Variants in SVEP1 observed in about 807,000 individuals in gnomAD.
SVEP1 encodes the protein sushi, von Willebrand factor type A, EGF and pentraxin domain-containing protein 1.
Under a neutral mutation model 367.3 loss-of-function variants are expected in SVEP1, and 164 were observed. That is an observed-to-expected ratio of 0.45 (90% CI 0.39 to 0.51). SVEP1 has a LOEUF of 0.51. Ranked by LOEUF, SVEP1 falls within the 20% of genes least tolerant of loss-of-function variation. The pLI, the probability that SVEP1 is intolerant of heterozygous loss-of-function variation, is 0.00. For synonymous variants in SVEP1, 1,666 were observed against 1,611.6 expected, an observed-to-expected ratio of 1.03 and a Z score of -0.81; for missense variants, 4,117 against 4,425.3, an observed-to-expected ratio of 0.93 and a Z score of 1.98.
intron 8 of SVEP1, among the ~76,000 whole-genome samples, chr9:110,494,157 A>C (rs1382995799): frequency 6.6e-6 from 1 of 152,224 alleles, no homozygotes. Flanking sequence ...TTGCTATGTA[A>C]GGAAACATAT....
intron 1 of SVEP1, 29 bp from the exon 2 acceptor site, chr9:110,550,133 AGT>A: frequency 6.2e-7 from 1 of 1,612,206 alleles, no homozygotes; most frequent in Non-Finnish European, 8.5e-7. Flanking sequence ...AGTTAATATG[AGT>A]GTGTACTGTC....
At chr9:110,492,485 G>C (rs1313627573) in intron 8 of SVEP1, among the ~76,000 whole-genome samples, 2 of 151,908 alleles carry the variant, frequency 1.3e-5, no homozygotes, top group African/African-American at 4.8e-5. Flanking sequence ...AAAGGCTTAT[G>C]CATGTTTTTA....
intron 2 of SVEP1, among the ~76,000 whole-genome samples, chr9:110,548,789 G>C (rs1216671178): frequency 2.6e-5 from 4 of 152,038 alleles, no homozygotes; most frequent in African/African-American, 9.7e-5. Context: ...TAAAATCCCA[G>C]CCTCCAAAAA....
At chr9:110,405,503 G>T (rs1185195859) in intron 38 of SVEP1, among the ~76,000 whole-genome samples, 1 of 151,158 alleles carries the variant, frequency 6.6e-6, no homozygotes, top group Admixed American at 6.6e-5. Flanking sequence ...TACCTACGTG[G>T]ACTCAGATAC....
intron 1 of SVEP1, among the ~76,000 whole-genome samples, chr9:110,559,923 T>C (rs1024026531): frequency 3.9e-5 from 6 of 152,120 alleles, no homozygotes; most frequent in African/African-American, 1.4e-4. Context: ...CCAAACACAA[T>C]GATTTCATTA....
At chr9:110,508,760 C>CAAAAAAAAAAAAA (rs11316319) in intron 5 of SVEP1, among the ~76,000 whole-genome samples, 49 of 76,476 alleles carry the variant, frequency 6.4e-4, no homozygotes, top group East Asian at 8.0e-4. Context: ...GACTCCATCT[C>CAAAAAAAAAAAAA]AAAAAAAAAA....
intron 1 of SVEP1, among the ~76,000 whole-genome samples, chr9:110,551,199 T>A (rs1264263075): frequency 6.6e-6 from 1 of 152,222 alleles, no homozygotes; most frequent in Non-Finnish European, 1.5e-5. Flanking sequence ...TTGTGATTTT[T>A]AAAATGTTTG....
At chr9:110,375,228 G>T in intron 46 of SVEP1, 140 bp downstream of exon 46, 1 of 721,778 alleles carries the variant, frequency 1.4e-6, no homozygotes, top group Non-Finnish European at 2.3e-6. Flanking sequence ...CGAATCAAGG[G>T]ATCATCTTGA....
chr9:110,495,201 A>G (rs1829427212), intron 8 of SVEP1, among the ~76,000 whole-genome samples: 2 of 152,090 alleles, frequency 1.3e-5, no homozygotes, highest in Non-Finnish European at 1.5e-5. Context: ...TTTTAAGCAC[A>G]TTCAAGTTCT....
At chr9:110,381,847 C>G (rs917133846) in intron 43 of SVEP1, among the ~76,000 whole-genome samples, 1 of 150,708 alleles carries the variant, frequency 6.6e-6, no homozygotes, top group Non-Finnish European at 1.5e-5. Context: ...TCTCTAAGAA[C>G]TTGATTTATG....
intron 26 of SVEP1, 78 bp downstream of exon 26, chr9:110,445,757 CAT>C: frequency 6.6e-7 from 1 of 1,507,346 alleles, no homozygotes; most frequent in Non-Finnish European, 9.1e-7. Context: ...TCTACTTTCC[CAT>C]TTCCCATCCT....
intron 3 of SVEP1, among the ~76,000 whole-genome samples, chr9:110,524,421 C>T (rs1034512230): frequency 1.7e-4 from 26 of 152,120 alleles, no homozygotes; most frequent in African/African-American, 6.3e-4. Flanking sequence ...AAAATGTTAG[C>T]AAATGGAATT....
chr9:110,502,651 A>G (rs1479314506), intron 6 of SVEP1, among the ~76,000 whole-genome samples: 1 of 152,172 alleles, frequency 6.6e-6, no homozygotes, highest in Admixed American at 6.5e-5. Context: ...AATTTTTAAG[A>G]TTCACTGGTT....
Position 110,565,689 on chromosome 9 carries a change from C to G in SVEP1, c.531+13324G>C, listed in dbSNP as rs554721202. 1.4e-4 allele frequency among the ~76,000 whole-genome samples: 22 copies of G among 152,134 alleles called. No homozygotes were observed. In the Middle Eastern group the frequency reaches 0.014, roughly 94 times the overall value. On this transcript the variant is annotated intron_variant, in intron 1 of 47. Coordinates refer to ENST00000374469, the MANE Select transcript of SVEP1 (RefSeq NM_153366.4). ...ACTTAGAGAGTGCCCATTCAAATGA[C>G]AATCTCCAAACATCCCCTTCTCTTA...
rs748115085 is a variant in SVEP1 at position 110,476,323 on chromosome 9, T to A, written c.2488-8A>T. 9 of 1,599,240 alleles carry A rather than the reference T, an allele frequency of 5.6e-6. No individual in the cohort carries two copies. The African/African-American group carries it at 1.2e-4, about 21-fold the overall frequency. On this transcript the variant is annotated splice_region_variant and splice_polypyrimidine_tract_variant and intron_variant, in intron 13 of 47. Coordinates refer to ENST00000374469, the MANE Select transcript of SVEP1 (RefSeq NM_153366.4). Reference sequence around the variant, plus strand: ...ACTACAAAATGATGGGACCTGCAAGTAAAAAATGAAGAGGATAAAGTGTAA... The same window carrying A: ...ACTACAAAATGATGGGACCTGCAAGAAAAAAATGAAGAGGATAAAGTGTAA...
intron 13 of SVEP1, 56 bp from the exon 14 acceptor site, chr9:110,476,371 A>T (rs1305894416): frequency 7.4e-7 from 1 of 1,352,174 alleles, no homozygotes; most frequent in Non-Finnish European, 1.1e-6. Context: ...CATGCCTTGG[A>T]TAAACACTTT....
chr9:110,533,274 C>T (rs553364298), intron 3 of SVEP1, among the ~76,000 whole-genome samples: 37 of 152,196 alleles, frequency 2.4e-4, no homozygotes, highest in Non-Finnish European at 4.9e-4. Flanking sequence ...CCAATCAGCA[C>T]TTACTACATG....
At chr9:110,510,946 C>T (rs926953158) in intron 5 of SVEP1, among the ~76,000 whole-genome samples, 2 of 152,178 alleles carry the variant, frequency 1.3e-5, no homozygotes, top group Non-Finnish European at 2.9e-5. Context: ...CACACATGAA[C>T]AGTAGCTTGC....
At chr9:110,526,903 C>T (rs997943479) in intron 3 of SVEP1, among the ~76,000 whole-genome samples, 8 of 152,014 alleles carry the variant, frequency 5.3e-5, no homozygotes, top group African/African-American at 1.7e-4. Context: ...GAGAATTATG[C>T]CATGTGAAAA....
Sources: gnomAD v4.1 joint callset for allele counts (sites outside exome capture counted in the v4.1 genomes callset) on GRCh38, gnomAD v4.1.1 for gene constraint, MANE v1.5 for transcripts, NCBI Gene and HGNC (gene_info 2026-07-23, HGNC 2026-07-21) for gene names.